The following LUZP2 variants were observed in gnomAD, a reference collection of about 807,000 sequenced individuals.
LUZP2 encodes the protein leucine zipper protein 2.
Under a neutral mutation model 51.6 loss-of-function variants are expected in LUZP2, and 52 were observed. The observed-to-expected ratio is 1.01, with a 90% CI of 0.81 to 1.27. LUZP2 has a LOEUF of 1.27. Ranked by LOEUF, LUZP2 falls within the 50% of genes most tolerant of loss-of-function variation. The probability of loss-of-function intolerance (pLI) is 0.00; values close to 1 mark genes in which losing one functional copy is unlikely to be tolerated. For synonymous variants in LUZP2, 154 were observed against 137.3 expected (o/e 1.12, Z -0.85); for missense variants, 436 against 395.4 (o/e 1.10, Z -0.87).
At chr11:25,038,586 C>T (rs774261002) in intron 9 of LUZP2, among the ~76,000 whole-genome samples, 5 of 152,174 alleles carry the variant, frequency 3.3e-5, no homozygotes, top group Non-Finnish European at 5.9e-5. Context: ...AACTGAGTTT[C>T]GACTTTCTCC....
chr11:24,727,993 A>G (rs1858544846), intron 1 of LUZP2, among the ~76,000 whole-genome samples: 1 of 152,052 alleles, frequency 6.6e-6, no homozygotes, highest in East Asian at 1.9e-4. Flanking sequence ...TAGAAATTAT[A>G]TATGTATATA....
intron 5 of LUZP2, among the ~76,000 whole-genome samples, chr11:24,812,055 A>C (rs1420915867): frequency 6.6e-6 from 1 of 152,342 alleles, no homozygotes; most frequent in Non-Finnish European, 1.5e-5. Context: ...TTCATCGACA[A>C]TATGGGCTGT....
At chr11:24,583,076 C>G (rs1379183220) in intron 1 of LUZP2, among the ~76,000 whole-genome samples, 1 of 151,980 alleles carries the variant, frequency 6.6e-6, no homozygotes, top group Non-Finnish European at 1.5e-5. Context: ...TTTTCTTGGT[C>G]TTTCACAGAG....
chr11:24,516,531 A>G (rs1996392), intron 1 of LUZP2, among the ~76,000 whole-genome samples: 45,390 of 152,104 alleles, frequency 0.3, 7,094 homozygotes, highest in South Asian at 0.5. Context: ...ATGAGTAACA[A>G]CATTTTAATT....
chr11:24,579,252 G>A (rs1852765999), intron 1 of LUZP2, among the ~76,000 whole-genome samples: 1 of 151,840 alleles, frequency 6.6e-6, no homozygotes, highest in East Asian at 1.9e-4. Context: ...CAATGTATTT[G>A]CAATTAATTT....
intron 5 of LUZP2, among the ~76,000 whole-genome samples, chr11:24,811,893 C>T (rs550750039): frequency 6.6e-6 from 1 of 151,920 alleles, no homozygotes; most frequent in African/African-American, 2.4e-5. Context: ...GCGAATGGGG[C>T]CAAGGAAACT....
intron 9 of LUZP2, among the ~76,000 whole-genome samples, chr11:25,002,356 G>A (rs1319663009): frequency 1.3e-5 from 2 of 152,186 alleles, no homozygotes; most frequent in African/African-American, 2.4e-5. Flanking sequence ...CATAAGTCTG[G>A]ACTATAATTT....
rs78645568 is a variant in LUZP2 at position 24,509,666 on chromosome 11, G to A, written c.62+12361G>A. 6.5e-3 allele frequency among the ~76,000 whole-genome samples: 966 copies of A among 149,616 alleles called. 7 individuals are homozygous for A. Among genetic ancestry groups the A allele is most frequent in the African/African-American group, 0.02 (801 of 40,788 alleles). ...TACACAGAATATATAAATATATTCC[G>A]TAGTATATATTATATGCATATTTTA... On this transcript the variant is annotated intron_variant, in intron 1 of 11. Coordinates refer to ENST00000336930, the MANE Select transcript of LUZP2 (RefSeq NM_001009909.4).
intron 1 of LUZP2, among the ~76,000 whole-genome samples, chr11:24,519,173 G>T (rs1011172990): frequency 1.3e-5 from 2 of 152,110 alleles, no homozygotes; most frequent in African/African-American, 2.4e-5. Flanking sequence ...TACTCAGTTT[G>T]CTCTCACAGT....
intron 5 of LUZP2, among the ~76,000 whole-genome samples, chr11:24,790,585 T>C (rs1228527614): frequency 1.3e-5 from 2 of 152,142 alleles, no homozygotes; most frequent in African/African-American, 4.8e-5. Context: ...CACTGCAACC[T>C]CTGCCTCGGG....
intron 7 of LUZP2, among the ~76,000 whole-genome samples, chr11:24,971,245 T>A (rs1274731865): frequency 6.6e-6 from 1 of 152,112 alleles, no homozygotes; most frequent in African/African-American, 2.4e-5. Context: ...TCATGATTAT[T>A]CAAGTGCATT....
chr11:24,570,736 C>A (rs1355342989), intron 1 of LUZP2, among the ~76,000 whole-genome samples: 1 of 151,954 alleles, frequency 6.6e-6, no homozygotes, highest in East Asian at 1.9e-4. Context: ...CTTTAACTTC[C>A]ATAGATGTTA....
rs138892503 is a variant in LUZP2, at chr11:25,043,103, A to G, written c.766-6935A>G. On this transcript the variant is annotated intron_variant, in intron 9 of 11. Transcript: ENST00000336930. ...GGAGGAGAGTCTTCATAAGAAACTG[A>G]TCCTGCTGGACCTCGATTTGCGATT... Among the ~76,000 whole-genome samples, 7 of 152,186 alleles carry G rather than the reference A, an allele frequency of 4.6e-5. No individual in the cohort carries two copies. In the East Asian group the frequency reaches 1.4e-3, roughly 29 times the overall value.
chr11:24,625,573 A>G (rs910401679), intron 1 of LUZP2, among the ~76,000 whole-genome samples: 12 of 152,310 alleles, frequency 7.9e-5, no homozygotes, highest in Admixed American at 2.6e-4. Context: ...ATAAATTTAG[A>G]ACATATTTAA....
Position 24,894,186 on chromosome 11 carries a change from T to TG in LUZP2, c.397-11805_397-11804insG, listed in dbSNP as rs1852954628. On this transcript the variant is annotated intron_variant, in intron 5 of 11. Coordinates refer to ENST00000336930, the MANE Select transcript of LUZP2 (RefSeq NM_001009909.4). Reference sequence around the variant, plus strand: ...TTCTAAAGTAATTCATTTTTTTTTTTTTTTTGTGATGGAGTTTCATTCTTG... The same window carrying TG: ...TTCTAAAGTAATTCATTTTTTTTTTTGTTTTTGTGATGGAGTTTCATTCTTG... Among the ~76,000 whole-genome samples, 16 of 151,600 alleles carry TG rather than the reference T, an allele frequency of 1.1e-4. No homozygotes were observed. In the South Asian group the frequency reaches 3.4e-3, roughly 32 times the overall value.
At chr11:24,586,019 T>A (rs1328797721) in intron 1 of LUZP2, among the ~76,000 whole-genome samples, 1 of 152,188 alleles carries the variant, frequency 6.6e-6, no homozygotes, top group Non-Finnish European at 1.5e-5. Context: ...TTTCATTTTT[T>A]ACAATATGCC....
rs140074676 is a variant in LUZP2, at chr11:25,001,992, G to A, written c.765+18699G>A. Among the ~76,000 whole-genome samples the A allele has an allele frequency of 6.8e-3, 1,036 of 152,292 alleles. 7 individuals carry two copies. The highest frequency in any genetic ancestry group is 0.012 in the Non-Finnish European group (785 of 68,032). ...ACCTCCTTGGGTTTTTGCACTGAGTGCAATAACTCCATGATTTCCCTGTGG... is the reference window on the plus strand; with the variant it reads ...ACCTCCTTGGGTTTTTGCACTGAGTACAATAACTCCATGATTTCCCTGTGG... On this transcript the variant is annotated intron_variant, in intron 9 of 11. Transcript: ENST00000336930.
intron 1 of LUZP2, among the ~76,000 whole-genome samples, chr11:24,714,354 T>A (rs1343197826): frequency 6.6e-6 from 1 of 152,118 alleles, no homozygotes; most frequent in African/African-American, 2.4e-5. Flanking sequence ...TTCTTTCTAT[T>A]TGAAGAAATA....
At chr11:24,910,312 G>C (rs943789289) in intron 6 of LUZP2, among the ~76,000 whole-genome samples, 2 of 152,200 alleles carry the variant, frequency 1.3e-5, no homozygotes, top group African/African-American at 4.8e-5. Context: ...ATTTGCATAA[G>C]TAATGAGGAG....
Sources: gnomAD v4.1 joint callset for allele counts (sites outside exome capture counted in the v4.1 genomes callset) on GRCh38, gnomAD v4.1.1 for gene constraint, MANE v1.5 for transcripts, NCBI Gene and HGNC (gene_info 2026-07-23, HGNC 2026-07-21) for gene names.